The following ZC3H7A variants were observed in gnomAD, a reference collection of about 807,000 sequenced individuals.
ZC3H7A encodes zinc finger CCCH-type containing 7A.
ZC3H7A carries 44 observed loss-of-function variants against 125.5 expected under a neutral mutation model. The ratio of observed to expected loss-of-function variants is 0.35; its 90% CI spans 0.28 to 0.45. The LOEUF (loss-of-function observed/expected upper bound fraction) is 0.45, where lower values mean the gene tolerates loss of function less well. Ranked by LOEUF, ZC3H7A falls within the 20% of genes least tolerant of loss-of-function variation. The pLI is 1.00. For synonymous variants in ZC3H7A, 399 were observed against 391.2 expected, an observed-to-expected ratio of 1.02 and a Z score of -0.23; for missense variants, 977 against 1,170.7, an observed-to-expected ratio of 0.83 and a Z score of 2.41.
At position 11,781,419 on chromosome 16, in the gene ZC3H7A, C is replaced by T. The variant is rs1342270814; in HGVS notation, c.108+6G>A. On this transcript the variant is annotated splice_donor_region_variant and intron_variant, in intron 3 of 22. Transcript: ENST00000355758. Reference sequence around the variant, plus strand: ...GCTTTCAAGCAGACCTTCCCGGAGTCATTACCGCATATTGCTCCTGTGTTC... The same window carrying T: ...GCTTTCAAGCAGACCTTCCCGGAGTTATTACCGCATATTGCTCCTGTGTTC... 1.2e-6 allele frequency: 2 copies of T among 1,602,782 alleles called. No individual in the cohort carries two copies. The highest frequency in any genetic ancestry group is 1.3e-5 in the African/African-American group (1 of 74,958).
At chr16:11,795,043 T>C (rs540904097) in intron 1 of ZC3H7A, among the ~76,000 whole-genome samples, 6 of 152,216 alleles carry the variant, frequency 3.9e-5, no homozygotes, top group South Asian at 4.1e-4. Flanking sequence ...CGCACAAATA[T>C]TGATAATATT....
In ZC3H7A at chr16:11,770,801, T is replaced by A. The variant is rs144891791; in HGVS notation, c.1090A>T (p.Met364Leu). The A allele has an allele frequency of 1.9e-6, 3 of 1,613,378 alleles. No individual in the cohort carries two copies. In the African/African-American group the frequency reaches 4.0e-5, roughly 22 times the overall value. Residue 364 changes from methionine to leucine, a missense_variant, in exon 10 of 23, where the codon ATG becomes TTG. By Grantham distance (15) the Met-to-Leu change is conservative. Transcript: ENST00000355758. Reference sequence around the variant, plus strand: ...TTCTTACCTCGTTTGGATTCACTCATTGAAAATGAATTTAAAGAAGAACAA... The same window carrying A: ...TTCTTACCTCGTTTGGATTCACTCAATGAAAATGAATTTAAAGAAGAACAA... ...DFCSSLNSFS[M>L]SESKRDLSTS...
At position 11,765,223 on chromosome 16, in the gene ZC3H7A, A is replaced by G. The variant is rs1003781955; in HGVS notation, c.1720-70T>C. 10 of 977,080 alleles carry G rather than the reference A, an allele frequency of 1.0e-5. No individual in the cohort carries two copies. The highest frequency in any genetic ancestry group is 1.7e-5 in the African/African-American group (1 of 58,054). 60.5% of individuals were successfully genotyped at this position (977,080 alleles called of 1,614,324 possible). ...AATTTTGTACCCAGAATATTGTCCT[A>G]GTTTCAATATCATTACAAAATTAAT... On this transcript the variant is annotated intron_variant, in intron 14 of 22. Coordinates refer to ENST00000355758, the MANE Select transcript of ZC3H7A (RefSeq NM_014153.4). The surrounding 1 kb of genome is among the most constrained non-coding windows in gnomAD (Gnocchi z 4.8).
chr16:11,768,281 T>A, intron 12 of ZC3H7A, 34 bp downstream of exon 12: 1 of 1,419,542 alleles, frequency 7.0e-7, no homozygotes, highest in Non-Finnish European at 9.3e-7. Flanking sequence ...GAGCAAGTAG[T>A]TTAATACTCT....
intron 10 of ZC3H7A, among the ~76,000 whole-genome samples, chr16:11,770,173 T>C (rs978276871): frequency 2.0e-5 from 3 of 152,164 alleles, no homozygotes; most frequent in African/African-American, 7.2e-5. Flanking sequence ...AGTCAATCTT[T>C]AAGTCAATTA....
At chr16:11,797,003 C>T (rs2053450274) in intron 1 of ZC3H7A, 121 bp downstream of exon 1, 1 of 147,784 alleles carries the variant, frequency 6.8e-6, no homozygotes. Flanking sequence ...CGCCCCTCCC[C>T]CGCCCCGCCC....
At chr16:11,786,681 T>A (rs1406616099) in intron 1 of ZC3H7A, among the ~76,000 whole-genome samples, 1 of 152,220 alleles carries the variant, frequency 6.6e-6, no homozygotes, top group African/African-American at 2.4e-5. Flanking sequence ...AGGCAATATT[T>A]GAATATAATA....
intron 1 of ZC3H7A, among the ~76,000 whole-genome samples, chr16:11,789,699 G>C (rs1393590377): frequency 6.6e-6 from 1 of 152,152 alleles, no homozygotes; most frequent in Non-Finnish European, 1.5e-5. Context: ...CAGGCCTCTG[G>C]TGATGGACCT....
intron 1 of ZC3H7A, among the ~76,000 whole-genome samples, chr16:11,795,958 G>A (rs2141227952): frequency 6.6e-6 from 1 of 152,078 alleles, no homozygotes; most frequent in Non-Finnish European, 1.5e-5. Flanking sequence ...TCAGCTTCCC[G>A]AGTAGCTGAC....
chr16:11,765,877 A>C lies in ZC3H7A; in HGVS notation c.1523-192T>G, dbSNP rs1400715671. 6.6e-6 allele frequency among the ~76,000 whole-genome samples: 1 copy of C among 152,176 alleles called. No homozygotes were observed. Among genetic ancestry groups the C allele is most frequent in the Non-Finnish European group, 1.5e-5 (1 of 68,026 alleles). ...GTGTCAAAATAAACAAACAAACAAA[A>C]AAAGATGGTAATTGTTTCCTTAAAG... On this transcript the variant is annotated intron_variant, in intron 13 of 22. Transcript: ENST00000355758. This position sits in a 1 kb window ranked among gnomAD's most constrained non-coding sequence, Gnocchi z 4.8.
intron 20 of ZC3H7A, among the ~76,000 whole-genome samples, chr16:11,756,876 A>T (rs1469872304): frequency 1.3e-5 from 2 of 152,338 alleles, no homozygotes; most frequent in Admixed American, 1.3e-4. Flanking sequence ...CCACAGTCCC[A>T]GAGGGCGGAT....
intron 11 of ZC3H7A, 148 bp downstream of exon 11, chr16:11,768,883 G>C: frequency 4.0e-6 from 3 of 741,424 alleles, no homozygotes; most frequent in Non-Finnish European, 4.3e-6. Flanking sequence ...GTTATTACTA[G>C]ATGTTCCAGA....
chr16:11,783,926 T>C (rs2053212469), intron 1 of ZC3H7A, among the ~76,000 whole-genome samples: 1 of 150,808 alleles, frequency 6.6e-6, no homozygotes, highest in Admixed American at 6.6e-5. Context: ...AGTGTTTACA[T>C]GGGAAAGGAT....
intron 3 of ZC3H7A, 81 bp from the exon 4 acceptor site, chr16:11,779,444 AC>A (rs2053137574): frequency 1.6e-6 from 2 of 1,235,674 alleles, no homozygotes; most frequent in Non-Finnish European, 2.3e-6. Context: ...TATACCTAAA[AC>A]TTCACAGGAA....
At chr16:11,783,726 G>A (rs996225820) in intron 1 of ZC3H7A, among the ~76,000 whole-genome samples, 6 of 152,146 alleles carry the variant, frequency 3.9e-5, no homozygotes, top group African/African-American at 1.4e-4. Context: ...GAAGTACATT[G>A]CTGAAATTTT....
chr16:11,769,328 A>G (rs1388315468), intron 10 of ZC3H7A, among the ~76,000 whole-genome samples: 1 of 152,192 alleles, frequency 6.6e-6, no homozygotes, highest in African/African-American at 2.4e-5. Context: ...CAGAAAAATA[A>G]GCTAAGGCAG....
intron 1 of ZC3H7A, among the ~76,000 whole-genome samples, chr16:11,790,340 T>G (rs144497079): frequency 2.0e-5 from 3 of 152,204 alleles, no homozygotes; most frequent in Non-Finnish European, 2.9e-5. Flanking sequence ...AATTTAAGAA[T>G]CATCTGTACT....
At chr16:11,756,460 C>G (rs2052650921) in intron 20 of ZC3H7A, 90 bp from the exon 21 acceptor site, 2 of 1,519,754 alleles carry the variant, frequency 1.3e-6, no homozygotes, top group Non-Finnish European at 1.8e-6. Flanking sequence ...AGTCAGCATA[C>G]AGTTCAAAAG....
intron 16 of ZC3H7A, 122 bp from the exon 17 acceptor site, chr16:11,762,869 C>T (rs2052775766): frequency 1.2e-6 from 1 of 824,208 alleles, no homozygotes; most frequent in Non-Finnish European, 1.9e-6. Flanking sequence ...CCTAATCCAT[C>T]AGCAAGGATG....
Sources: gnomAD v4.1 joint callset for allele counts (sites outside exome capture counted in the v4.1 genomes callset) on GRCh38, gnomAD v4.1.1 for gene constraint, Gnocchi (gnomAD v3.1) non-coding constraint, MANE v1.5 for transcripts, NCBI Gene and HGNC (gene_info 2026-07-23, HGNC 2026-07-21) for gene names.